The following ME3 variants were observed in gnomAD, a reference collection of about 807,000 sequenced individuals.
ME3 encodes NADP-dependent malic enzyme, mitochondrial.
Under a neutral mutation model 68.9 loss-of-function variants are expected in ME3, and 48 were observed. The ratio of observed to expected loss-of-function variants is 0.70; its 90% confidence interval spans 0.55 to 0.89. The LOEUF is 0.89. Among genes scored for constraint, ME3 ranks in the 40% least tolerant of loss-of-function variants. ME3 has a pLI of 0.00. For missense variants in ME3, 675 were observed against 797.4 expected (o/e 0.85, Z 1.85); for synonymous variants, 320 against 318.8 (o/e 1.00, Z -0.04).
At chr11:86,507,829 C>A (rs919081111) in intron 5 of ME3, among the ~76,000 whole-genome samples, 2 of 151,930 alleles carry the variant, frequency 1.3e-5, no homozygotes, top group African/African-American at 4.8e-5. Flanking sequence ...CAAAAAAATA[C>A]AAAAAATTAC....
intron 13 of ME3, among the ~76,000 whole-genome samples, chr11:86,446,059 T>G (rs1949267041): frequency 6.6e-6 from 1 of 152,172 alleles, no homozygotes; most frequent in Non-Finnish European, 1.5e-5. Context: ...GTATGAGGCA[T>G]GTCTCCTCCT....
chr11:86,451,675 G>T lies in ME3; in HGVS notation c.920-1277C>A, dbSNP rs539992584. On this transcript the variant is annotated intron_variant, in intron 8 of 14. Coordinates refer to ENST00000543262, the Ensembl canonical transcript of ME3. ...GATTACTCCCATCATGGACAGGAAA[G>T]AAATCTGTCCTAACTGGAGCAGATA... Among the ~76,000 whole-genome samples the T allele has an allele frequency of 3.3e-5, 5 of 152,350 alleles. No individual in the cohort carries two copies. In the East Asian group the frequency reaches 5.8e-4, roughly 18 times the overall value.
At chr11:86,467,938 T>C (rs1198355748) in intron 7 of ME3, among the ~76,000 whole-genome samples, 1 of 152,178 alleles carries the variant, frequency 6.6e-6, no homozygotes, top group Non-Finnish European at 1.5e-5. Context: ...TGTGAATCAC[T>C]CATCCAATAA....
intron 8 of ME3, among the ~76,000 whole-genome samples, chr11:86,450,609 AT>A (rs1949574670): frequency 6.6e-6 from 1 of 152,244 alleles, no homozygotes. Flanking sequence ...ACAGCTCCTG[AT>A]TTGTTACTTG....
chr11:86,584,226 A>G (rs187471819), intron 2 of ME3, among the ~76,000 whole-genome samples: 7 of 152,356 alleles, frequency 4.6e-5, no homozygotes, highest in South Asian at 2.1e-4. Flanking sequence ...GCTCAACATC[A>G]CTAATCATTA....
intron 4 of ME3, among the ~76,000 whole-genome samples, chr11:86,525,692 T>A (rs112177762): frequency 6.6e-6 from 1 of 152,046 alleles, no homozygotes; most frequent in Non-Finnish European, 1.5e-5. Context: ...GTGAACCCCA[T>A]CTCTACTAAA....
At chr11:86,526,242 G>A (rs1019710771) in intron 4 of ME3, among the ~76,000 whole-genome samples, 2 of 152,226 alleles carry the variant, frequency 1.3e-5, no homozygotes, top group African/African-American at 2.4e-5. Context: ...GGCTCGGAGG[G>A]TCCTATGCCC....
intron 4 of ME3, among the ~76,000 whole-genome samples, chr11:86,553,494 AC>A (rs199619003): frequency 0.028 from 4,229 of 152,248 alleles, 186 homozygotes; most frequent in African/African-American, 0.096. Flanking sequence ...TGGAGCCCAA[AC>A]TTTTATTTCC....
At chr11:86,539,750 A>T (rs1405029127) in intron 4 of ME3, among the ~76,000 whole-genome samples, 1 of 152,280 alleles carries the variant, frequency 6.6e-6, no homozygotes. Context: ...CACCCACATT[A>T]TTCTTTGTCC....
chr11:86,546,456 A>AC (rs1956363881), intron 4 of ME3, among the ~76,000 whole-genome samples: 1 of 152,246 alleles, frequency 6.6e-6, no homozygotes, highest in South Asian at 2.1e-4. Flanking sequence ...AAAGAACTTA[A>AC]ACAAATTTAC....
intron 2 of ME3, among the ~76,000 whole-genome samples, chr11:86,630,137 A>T (rs1388994184): frequency 6.6e-6 from 1 of 152,164 alleles, no homozygotes; most frequent in Admixed American, 6.5e-5. Context: ...TCTATTTTAC[A>T]TACAGTGTAT....
chr11:86,606,206 G>C (rs888749605), intron 2 of ME3, among the ~76,000 whole-genome samples: 3 of 152,196 alleles, frequency 2.0e-5, no homozygotes, highest in African/African-American at 7.2e-5. Context: ...CAGCAATTTT[G>C]TAAGTTGGAT....
intron 4 of ME3, among the ~76,000 whole-genome samples, chr11:86,546,686 G>A (rs1956377703): frequency 6.6e-6 from 1 of 152,158 alleles, no homozygotes; most frequent in African/African-American, 2.4e-5. Flanking sequence ...GAGAGGATAT[G>A]GAGAAATAGG....
chr11:86,490,907 A>G (rs993767379), intron 6 of ME3, among the ~76,000 whole-genome samples: 1 of 152,132 alleles, frequency 6.6e-6, no homozygotes, highest in African/African-American at 2.4e-5. Context: ...GCACTAAGGG[A>G]TTTTTAGATT....
At chr11:86,527,199 C>T (rs913735513) in intron 4 of ME3, among the ~76,000 whole-genome samples, 15 of 152,090 alleles carry the variant, frequency 9.9e-5, no homozygotes, top group Non-Finnish European at 1.8e-4. Context: ...AACCAAGGCA[C>T]GAGAACTACG....
chr11:86,594,087 A>G lies in ME3; in HGVS notation c.184-34264T>C, dbSNP rs558672633. The stretch of plus-strand genomic sequence containing the variant: ...ACAGTAATAAGGAAACAAAGTAAAA[A>G]AACAGACAAGATATCCCTGCCTTCA... On this transcript the variant is annotated intron_variant, in intron 2 of 14. Coordinates refer to ENST00000543262, the Ensembl canonical transcript of ME3. Among the ~76,000 whole-genome samples, 123 of 146,806 alleles carry G rather than the reference A, an allele frequency of 8.4e-4. 10 individuals carry two copies. The highest frequency in any genetic ancestry group is 3.1e-3 in the African/African-American group (122 of 39,996).
chr11:86,478,324 CAAAAAAAA>C (rs57349808), intron 7 of ME3, among the ~76,000 whole-genome samples: 14 of 62,900 alleles, frequency 2.2e-4, no homozygotes, highest in East Asian at 4.8e-4. Flanking sequence ...GCCTAAGGAC[CAAAAAAAA>C]AAAAAAAAAA....
intron 2 of ME3, among the ~76,000 whole-genome samples, chr11:86,561,639 TC>T (rs1310675579): frequency 3.3e-5 from 5 of 152,228 alleles, no homozygotes; most frequent in African/African-American, 1.2e-4. Flanking sequence ...TTTGACCATC[TC>T]CCATTTATGT....
intron 4 of ME3, among the ~76,000 whole-genome samples, chr11:86,552,557 C>A (rs992265875): frequency 6.6e-6 from 1 of 152,166 alleles, no homozygotes; most frequent in Non-Finnish European, 1.5e-5. Flanking sequence ...TAACCAGAAA[C>A]CCCTTATTCT....
Sources: allele counts gnomAD v4.1 joint callset (sites outside exome capture counted in the v4.1 genomes callset), GRCh38; gene constraint gnomAD v4.1.1; transcripts MANE v1.5; gene names NCBI Gene and HGNC (gene_info 2026-07-23, HGNC 2026-07-21).